ZNF883: variants seen among roughly 807,000 people sequenced by gnomAD.
The protein encoded by ZNF883 is zinc finger protein 883.
At position 113,005,598 on chromosome 9, in the gene ZNF883, C is replaced by T. The variant is rs147086378; in HGVS notation, n.166-3525G>A. 4.6e-3 allele frequency among the ~76,000 whole-genome samples: 704 copies of T among 152,270 alleles called. 2 individuals are homozygous for T. Among genetic ancestry groups the T allele is most frequent in the Non-Finnish European group, 7.5e-3 (507 of 68,008 alleles). On this transcript the variant is annotated intron_variant and non_coding_transcript_variant, in intron 2 of 4. Coordinates refer to the ZNF883 transcript ENST00000638622. ...TTTGTATTTACTTATTATAAAGTCA[C>T]ATTACAACCAGACCAGGTTCATGAC...
chr9:112,997,560 C>CTCCAGTAT, exon 1 of ZNF883: 2 of 1,614,178 alleles, frequency 1.2e-6, no homozygotes, highest in South Asian at 2.2e-5. Context: ...TAGGGTTTTT[C>CTCCAGTAT]TCCAGTATGA....
At chr9:113,005,989 C>A (rs1243427776) in intron 2 of ZNF883, among the ~76,000 whole-genome samples, 1 of 151,704 alleles carries the variant, frequency 6.6e-6, no homozygotes, top group African/African-American at 2.4e-5. Context: ...TCATATGACA[C>A]CACTGGTAAG....
At chr9:112,991,289 T>C (rs1174115384) in intron 1 of ZNF883, among the ~76,000 whole-genome samples, 1 of 152,214 alleles carries the variant, frequency 6.6e-6, no homozygotes, top group East Asian at 1.9e-4. Flanking sequence ...GTATGTTGAC[T>C]CTTTGTTCTC....
chr9:113,007,705 C>T (rs1001446986), intron 2 of ZNF883, among the ~76,000 whole-genome samples: 3 of 152,166 alleles, frequency 2.0e-5, no homozygotes, highest in African/African-American at 7.2e-5. Flanking sequence ...CAAATGATGT[C>T]ATAATGTCAG....
At chr9:113,006,978 G>A (rs1287946424) in intron 2 of ZNF883, among the ~76,000 whole-genome samples, 1 of 152,086 alleles carries the variant, frequency 6.6e-6, no homozygotes, top group Non-Finnish European at 1.5e-5. Context: ...GGCAGATCAC[G>A]AGGTCAGGAG....
chr9:112,998,133 A>G (rs764299548), exon 1 of ZNF883: 1 of 1,613,958 alleles, frequency 6.2e-7, no homozygotes. Flanking sequence ...CATATTTTAC[A>G]TTCATAAGGT....
At chr9:112,997,071 T>G, downstream of ZNF883, 1 of 1,485,596 alleles carries the variant, frequency 6.7e-7, no homozygotes, top group Admixed American at 2.4e-5. Flanking sequence ...CTGTGAGTGC[T>G]CAGGTGTAAA....
chr9:112,997,389 T>C, exon 1 of ZNF883: 4 of 1,614,040 alleles, frequency 2.5e-6, no homozygotes, highest in South Asian at 1.1e-5. Flanking sequence ...TGATAGGGTT[T>C]CACACAAGAA....
intron 1 of ZNF883, among the ~76,000 whole-genome samples, chr9:113,011,945 A>G (rs1828543267): frequency 6.6e-6 from 1 of 152,126 alleles, no homozygotes; most frequent in Non-Finnish European, 1.5e-5. Flanking sequence ...CTCACCCTGA[A>G]GCGGGATGCT....
chr9:113,007,937 AAAG>A (rs1828494789), intron 2 of ZNF883, among the ~76,000 whole-genome samples: 1 of 152,090 alleles, frequency 6.6e-6, no homozygotes. Flanking sequence ...AAAAGAAGGA[AAAG>A]GAGAAAAATT....
At chr9:112,997,460 C>G in exon 1 of ZNF883, 1 of 1,614,098 alleles carries the variant, frequency 6.2e-7, no homozygotes, top group Non-Finnish European at 8.5e-7. Flanking sequence ...ACATTCTTTA[C>G]AAACATAGGG....
exon 1 of ZNF883, chr9:112,997,805 G>A: frequency 1.2e-6 from 2 of 1,613,232 alleles, no homozygotes; most frequent in Non-Finnish European, 1.7e-6. Context: ...ACATTCATAT[G>A]GTTTCTTTCC....
intron 1 of ZNF883, among the ~76,000 whole-genome samples, chr9:113,011,567 C>T (rs1160351847): frequency 2.0e-5 from 3 of 152,174 alleles, no homozygotes; most frequent in African/African-American, 7.2e-5. Flanking sequence ...TGCTCTTCGT[C>T]GCCCGCAGAG....
exon 1 of ZNF883, chr9:112,997,883 G>A: frequency 4.3e-6 from 7 of 1,613,384 alleles, no homozygotes; most frequent in Non-Finnish European, 5.9e-6. Context: ...TTCATTACAA[G>A]GATAGGGTTT....
At chr9:112,991,880 T>C (rs887767325) in intron 1 of ZNF883, among the ~76,000 whole-genome samples, 3 of 152,244 alleles carry the variant, frequency 2.0e-5, no homozygotes, top group Non-Finnish European at 4.4e-5. Flanking sequence ...AAAGTCTGTT[T>C]TGTCAGAAAC....
chr9:113,011,380 C>A (rs1199981686), intron 1 of ZNF883, among the ~76,000 whole-genome samples, 153 bp from the exon 2 acceptor site: 1 of 152,230 alleles, frequency 6.6e-6, no homozygotes, highest in Non-Finnish European at 1.5e-5. Flanking sequence ...AGGCCACTTA[C>A]ATTCCTCTCT....
upstream of ZNF883, among the ~76,000 whole-genome samples, chr9:113,000,288 C>A (rs970449059): frequency 1.3e-5 from 2 of 151,954 alleles, no homozygotes; most frequent in Non-Finnish European, 2.9e-5. Context: ...AGGCAAAAAA[C>A]CAGAAAAGTG....
upstream of ZNF883, among the ~76,000 whole-genome samples, chr9:113,003,211 G>A (rs536700737): frequency 2.2e-4 from 33 of 152,242 alleles, no homozygotes; most frequent in South Asian, 4.2e-4. Context: ...TCATGGTAGT[G>A]AATAACTCTT....
chr9:113,005,206 T>C (rs1009475484), intron 2 of ZNF883, among the ~76,000 whole-genome samples: 3 of 152,070 alleles, frequency 2.0e-5, no homozygotes, highest in Admixed American at 1.3e-4. Context: ...GATTTGACTA[T>C]ACAAACAGAA....
Sources: allele counts gnomAD v4.1 joint callset (sites outside exome capture counted in the v4.1 genomes callset), GRCh38; gene constraint gnomAD v4.1.1; transcripts MANE v1.5; gene names NCBI Gene and HGNC (gene_info 2026-07-23, HGNC 2026-07-21).